The following MYO10 variants were observed in gnomAD, a reference collection of about 807,000 sequenced individuals.
The protein encoded by MYO10 is unconventional myosin-X.
A neutral mutation model predicts 257.3 loss-of-function variants in MYO10; 133 were observed. That is an observed-to-expected ratio of 0.52 (90% CI 0.45 to 0.60). The LOEUF is 0.60. Among genes scored for constraint, MYO10 ranks in the 20% least tolerant of loss-of-function variants. MYO10 has a pLI of 0.00. For missense variants in MYO10, 2,399 were observed against 2,635.7 expected (o/e 0.91, Z 1.97); for synonymous variants, 1,104 against 1,028.6 (o/e 1.07, Z -1.40).
intron 4 of MYO10, among the ~76,000 whole-genome samples, chr5:16,786,893 G>C (rs887531457): frequency 2.0e-5 from 3 of 152,032 alleles, no homozygotes; most frequent in Non-Finnish European, 4.4e-5. Flanking sequence ...TTTTGGCCGG[G>C]GGCAGTAGCT....
chr5:16,751,070 A>T (rs6890128), intron 19 of MYO10, among the ~76,000 whole-genome samples: 3 of 152,020 alleles, frequency 2.0e-5, no homozygotes. Flanking sequence ...ATAATACACA[A>T]AATACCTAAA....
intron 3 of MYO10, among the ~76,000 whole-genome samples, chr5:16,799,695 T>A (rs2126686242): frequency 6.6e-6 from 1 of 152,218 alleles, no homozygotes; most frequent in East Asian, 1.9e-4. Context: ...ATTTCATATA[T>A]TTTGGCCAGG....
chr5:16,681,798 TG>T (rs1737014108), intron 31 of MYO10, 72 bp downstream of exon 31: 11 of 1,475,136 alleles, frequency 7.5e-6, no homozygotes, highest in Admixed American at 2.2e-5. Flanking sequence ...GAAATGAAAA[TG>T]CTGCAGATGT....
chr5:16,872,529 C>T (rs1744481667), intron 2 of MYO10, among the ~76,000 whole-genome samples: 1 of 151,924 alleles, frequency 6.6e-6, no homozygotes, highest in African/African-American at 2.4e-5. Context: ...GTGATTCTTA[C>T]CATAATTTTT....
intron 19 of MYO10, among the ~76,000 whole-genome samples, chr5:16,753,569 C>T (rs1407029400): frequency 6.8e-6 from 1 of 147,556 alleles, no homozygotes; most frequent in Admixed American, 6.9e-5. Context: ...CTCCTGGGTT[C>T]AAGTGATTCT....
At chr5:16,682,796 T>TAAAA (rs200867398) in intron 30 of MYO10, among the ~76,000 whole-genome samples, 1 of 140,838 alleles carries the variant, frequency 7.1e-6, no homozygotes, top group Non-Finnish European at 1.6e-5. Flanking sequence ...CCCTTAAAAA[T>TAAAA]AAAAAATAAA....
In MYO10 at chr5:16,874,992, C is replaced by A. The variant is rs143252418; in HGVS notation, c.120+2617G>T. Among the ~76,000 whole-genome samples, 18 of 152,170 alleles carry A rather than the reference C, an allele frequency of 1.2e-4. No individual in the cohort carries two copies. The East Asian group carries it at 3.3e-3, about 28-fold the overall frequency. On this transcript the variant is annotated intron_variant, in intron 2 of 40. Coordinates refer to ENST00000513610, the MANE Select transcript of MYO10 (RefSeq NM_012334.3). ...GCGGCAAATGAGGAAGAAGCAAAAG[C>A]GGAAACCCCTGATAAACCCATCAGA... is the stretch of plus-strand genomic sequence containing the variant.
chr5:16,699,706 G>T, intron 25 of MYO10, 133 bp from the exon 26 acceptor site: 2 of 1,081,782 alleles, frequency 1.8e-6, no homozygotes, highest in Non-Finnish European at 2.6e-6. Flanking sequence ...AGAATCACTC[G>T]AACCCAGGAG....
In MYO10 at chr5:16,843,736, T is replaced by C. The variant is rs1422857401; in HGVS notation, c.121-25569A>G. Among the ~76,000 whole-genome samples the C allele has an allele frequency of 2.6e-5, 4 of 152,116 alleles. No individual in the cohort carries two copies. In the East Asian group the frequency reaches 7.7e-4, roughly 29 times the overall value. ...GGACTTTAGTAGAGCACATCAAATA[T>C]ATAGTGATGGGTAAATTACAGAAAA... On this transcript the variant is annotated intron_variant, in intron 2 of 40. Coordinates refer to ENST00000513610, the MANE Select transcript of MYO10 (RefSeq NM_012334.3).
At chr5:16,699,693 A>T in intron 25 of MYO10, 120 bp from the exon 26 acceptor site, 2 of 1,348,236 alleles carry the variant, frequency 1.5e-6, no homozygotes, top group Non-Finnish European at 2.0e-6. Context: ...AGGCTGAGGC[A>T]GCAGAATCAC....
chr5:16,698,623 G>GGTTTTTTTT, intron 26 of MYO10, among the ~76,000 whole-genome samples: 1 of 113,822 alleles, frequency 8.8e-6, no homozygotes, highest in East Asian at 2.5e-4. Context: ...AGAACATGCA[G>GGTTTTTTTT]TTTTTTTTTT....
chr5:16,902,455 C>G (rs1200997190), intron 1 of MYO10: 6 of 1,328,914 alleles, frequency 4.5e-6, no homozygotes, highest in Non-Finnish European at 6.4e-6. Flanking sequence ...TTGGGAAGCA[C>G]ATAGGCATCG....
intron 2 of MYO10, among the ~76,000 whole-genome samples, chr5:16,836,465 G>A (rs1743315887): frequency 6.6e-6 from 1 of 152,174 alleles, no homozygotes; most frequent in Non-Finnish European, 1.5e-5. Flanking sequence ...CAAAGATAAT[G>A]AAGAAGGCCA....
At chr5:16,864,319 G>A (rs1035601934) in intron 2 of MYO10, among the ~76,000 whole-genome samples, 9 of 151,990 alleles carry the variant, frequency 5.9e-5, no homozygotes, top group African/African-American at 1.9e-4. Context: ...CATTATAAGG[G>A]GCCTCTCTGG....
chr5:16,910,957 A>T (rs988580387), intron 1 of MYO10, among the ~76,000 whole-genome samples: 8 of 141,514 alleles, frequency 5.7e-5, no homozygotes, highest in South Asian at 2.1e-4. Flanking sequence ...GCTCTTAAAT[A>T]AAAAAAAAGA....
chr5:16,763,402 C>T (rs577870930), intron 14 of MYO10, 79 bp downstream of exon 14: 32 of 1,112,396 alleles, frequency 2.9e-5, no homozygotes, highest in African/African-American at 2.6e-4. Context: ...TGTTCGTGCA[C>T]GTTATTTTGT....
rs550130303 is a variant in MYO10, at chr5:16,710,863, A to G, written c.2169+45T>C. On this transcript the variant is annotated intron_variant, in intron 21 of 40. Coordinates refer to ENST00000513610, the MANE Select transcript of MYO10 (RefSeq NM_012334.3). ...TAAACCCTGTGAGCATCACCCCGAG[A>G]TCTGTCAGGGATTCGGTGGGAGTTG... 2.6e-5 allele frequency: 39 copies of G among 1,524,560 alleles called. No homozygotes were observed. In the African/African-American group the frequency reaches 4.9e-4, roughly 19 times the overall value. 94.4% of individuals were successfully genotyped at this position (1,524,560 alleles called of 1,614,324 possible).
intron 19 of MYO10, among the ~76,000 whole-genome samples, chr5:16,751,178 A>G (rs1437202002): frequency 1.3e-5 from 2 of 152,164 alleles, no homozygotes; most frequent in African/African-American, 4.8e-5. Context: ...CTCCACGCTG[A>G]AAATACACAT....
intron 4 of MYO10, among the ~76,000 whole-genome samples, chr5:16,792,903 C>G (rs930248288): frequency 6.6e-6 from 1 of 152,156 alleles, no homozygotes. Context: ...TCCAAACCAC[C>G]CTTTCCTCTC....
Sources: allele counts gnomAD v4.1 joint callset (sites outside exome capture counted in the v4.1 genomes callset), GRCh38; gene constraint gnomAD v4.1.1; transcripts MANE v1.5; gene names NCBI Gene and HGNC (gene_info 2026-07-23, HGNC 2026-07-21).